Variants in KIF4A observed in about 807,000 individuals in gnomAD.
KIF4A encodes the protein chromosome-associated kinesin KIF4A.
In KIF4A, 7 loss-of-function variants were observed where a neutral mutation model predicts 105.9. That is an observed-to-expected ratio of 0.07 (90% confidence interval 0.04 to 0.12). The LOEUF is 0.12. KIF4A is among the 10% of genes least tolerant of loss of function. KIF4A has a pLI of 1.00. For synonymous variants in KIF4A, 281 were observed against 331.3 expected, an observed-to-expected ratio of 0.85 and a Z score of 1.65; for missense variants, 558 against 929.2, an observed-to-expected ratio of 0.60 and a Z score of 5.19.
At chrX:70,379,164 AAAAAAAAAGAAAAGAAAAAAG>A (rs2086187067) in intron 18 of KIF4A, among the ~76,000 whole-genome samples, 1 of 109,325 alleles carries the variant, frequency 9.1e-6, no homozygotes, top group Admixed American at 9.8e-5. Flanking sequence ...CTCCATCTCA[AAAAAAAAAGAAAAGAAAAAAG>A]AAAAAAAAGA....
intron 18 of KIF4A, among the ~76,000 whole-genome samples, chrX:70,380,815 A>G (rs1424287626): frequency 1.8e-5 from 2 of 112,522 alleles, no homozygotes; most frequent in African/African-American, 6.5e-5. Flanking sequence ...GAATTAATAT[A>G]TGAGTTCACC....
intron 8 of KIF4A, 87 bp from the exon 9 acceptor site, chrX:70,330,070 A>T: frequency 1.2e-6 from 1 of 808,786 alleles, no homozygotes; most frequent in Non-Finnish European, 1.7e-6. Flanking sequence ...TCTGAATTTT[A>T]AGTCACCAAC....
At chrX:70,402,505 T>C in intron 22 of KIF4A, 61 bp from the exon 23 acceptor site, 3 of 1,158,879 alleles carry the variant, frequency 2.6e-6, no homozygotes, top group Non-Finnish European at 3.5e-6. Context: ...TCCTCAGAGC[T>C]CTTCCCCCTT....
intron 15 of KIF4A, chrX:70,362,357 C>G: frequency 3.7e-6 from 1 of 273,443 alleles, no homozygotes; most frequent in Non-Finnish European, 7.0e-6. Context: ...TGGTGATCAC[C>G]GGGATGCATA....
intron 20 of KIF4A, among the ~76,000 whole-genome samples, chrX:70,393,795 TTTTCTC>T (rs1569250172): frequency 5.9e-5 from 6 of 101,170 alleles, no homozygotes; most frequent in African/African-American, 2.1e-4. Context: ...TTTTCTTTTC[TTTTCTC>T]TTTCTTTCTT....
intron 7 of KIF4A, among the ~76,000 whole-genome samples, chrX:70,317,283 G>A (rs1232453769): frequency 9.0e-6 from 1 of 111,337 alleles, no homozygotes; most frequent in African/African-American, 3.3e-5. Context: ...TCTCAAAAAA[G>A]CTTACACTGC....
chrX:70,324,382 A>G (rs1334826603), intron 7 of KIF4A, among the ~76,000 whole-genome samples: 3 of 112,383 alleles, frequency 2.7e-5, no homozygotes, highest in Non-Finnish European at 5.6e-5. Context: ...GTGCCTTAAC[A>G]CAATAGGTAT....
At chrX:70,290,635 G>T (rs2085755527) in intron 2 of KIF4A, 56 bp from the exon 3 acceptor site, 3 of 1,204,574 alleles carry the variant, frequency 2.5e-6, no homozygotes, top group African/African-American at 1.8e-5. Flanking sequence ...TGGTAACGAG[G>T]GGTGTGGTCT....
chrX:70,358,813 C>A (rs774735829), intron 15 of KIF4A, among the ~76,000 whole-genome samples: 1 of 112,477 alleles, frequency 8.9e-6, no homozygotes, highest in East Asian at 2.8e-4. Context: ...ATAAAGAAAT[C>A]TTTTATTCTT....
chrX:70,316,057 T>C (rs1193191634), intron 7 of KIF4A, among the ~76,000 whole-genome samples: 1 of 111,689 alleles, frequency 9.0e-6, no homozygotes, highest in Non-Finnish European at 1.9e-5. Context: ...CAGCACCTAC[T>C]TGGCTTAAGA....
intron 7 of KIF4A, among the ~76,000 whole-genome samples, chrX:70,313,695 GTC>G (rs753322500): frequency 8.9e-6 from 1 of 112,214 alleles, no homozygotes; most frequent in South Asian, 3.7e-4. Flanking sequence ...TCTGCTTTCA[GTC>G]TCTCAAGGAT....
At chrX:70,356,059 CA>C (rs1391103598) in intron 15 of KIF4A, among the ~76,000 whole-genome samples, 1 of 111,161 alleles carries the variant, frequency 9.0e-6, no homozygotes, top group African/African-American at 3.3e-5. Flanking sequence ...GTGGGCAGAT[CA>C]CTTGAGCCCA....
intron 15 of KIF4A, chrX:70,362,487 C>T (rs1261684728): frequency 7.9e-6 from 1 of 127,344 alleles, no homozygotes; most frequent in African/African-American, 3.2e-5. Context: ...CCCATGGCAT[C>T]TAGTCCTTTT....
intron 15 of KIF4A, among the ~76,000 whole-genome samples, chrX:70,369,700 G>T (rs973120670): frequency 1.1e-4 from 12 of 111,311 alleles, no homozygotes; most frequent in Non-Finnish European, 2.1e-4. Context: ...AAATCTCCAT[G>T]ACTAATTAAG....
chrX:70,350,648 G>A (rs1341035597), intron 13 of KIF4A, among the ~76,000 whole-genome samples: 1 of 111,350 alleles, frequency 9.0e-6, no homozygotes, highest in African/African-American at 3.3e-5. Flanking sequence ...TGGCAGCACC[G>A]CATTCCAGCC....
intron 13 of KIF4A, among the ~76,000 whole-genome samples, chrX:70,350,809 C>CT (rs2086027325): frequency 8.9e-6 from 1 of 112,454 alleles, no homozygotes; most frequent in African/African-American, 3.2e-5. Flanking sequence ...ACCCTAAATT[C>CT]TTAGCTGTTG....
intron 18 of KIF4A, among the ~76,000 whole-genome samples, chrX:70,378,757 A>T (rs1489044032): frequency 1.8e-5 from 2 of 109,774 alleles, no homozygotes; most frequent in Admixed American, 2.0e-4. Context: ...GTAGAAATTA[A>T]TGAAATATGA....
At chrX:70,406,449 C>T in intron 27 of KIF4A, 95 bp downstream of exon 27, 2 of 652,738 alleles carry the variant, frequency 3.1e-6, no homozygotes, top group South Asian at 2.8e-5. Flanking sequence ...AGTTAAAATT[C>T]CCAAATTCTA....
chrX:70,334,133 C>G lies in KIF4A; in HGVS notation c.1133+444C>G, dbSNP rs763589292. Among the ~76,000 whole-genome samples the G allele has an allele frequency of 9.0e-5, 10 of 111,290 alleles. No homozygotes were observed. The South Asian group carries it at 2.3e-3, about 26-fold the overall frequency. Reference sequence around the variant, plus strand: ...AAACTCATCTTGTATTTTCCCTACCCCAGTTCTGGAATCAACCATGTCTCC... The same window carrying G: ...AAACTCATCTTGTATTTTCCCTACCGCAGTTCTGGAATCAACCATGTCTCC... On this transcript the variant is annotated intron_variant, in intron 10 of 30. Coordinates refer to ENST00000374403, the MANE Select transcript of KIF4A (RefSeq NM_012310.5).
Sources: allele counts gnomAD v4.1 joint callset (sites outside exome capture counted in the v4.1 genomes callset), GRCh38; gene constraint gnomAD v4.1.1; transcripts MANE v1.5; gene names NCBI Gene and HGNC (gene_info 2026-07-23, HGNC 2026-07-21).